Variants in TCF7L1 observed in about 807,000 individuals in gnomAD.
TCF7L1 encodes the protein transcription factor 7-like 1.
TCF7L1 carries 18 observed loss-of-function variants against 63.7 expected under a neutral mutation model. The observed-to-expected ratio is 0.28, with a 90% CI of 0.20 to 0.42. TCF7L1 has a LOEUF of 0.42. Among genes scored for constraint, TCF7L1 ranks in the 10% least tolerant of loss-of-function variants. The pLI, the probability that TCF7L1 is intolerant of heterozygous loss-of-function variation, is 1.00. For missense variants in TCF7L1, 654 were observed against 779.3 expected, an observed-to-expected ratio of 0.84 and a Z score of 1.91; for synonymous variants, 355 against 340.9, an observed-to-expected ratio of 1.04 and a Z score of -0.46.
At chr2:85,181,997 G>A (rs1241230728) in intron 3 of TCF7L1, among the ~76,000 whole-genome samples, 2 of 152,200 alleles carry the variant, frequency 1.3e-5, no homozygotes, top group Non-Finnish European at 2.9e-5. Flanking sequence ...GCCCTGTGGT[G>A]TCTAAGGCCA....
intron 3 of TCF7L1, among the ~76,000 whole-genome samples, chr2:85,277,076 G>A (rs1644617256): frequency 6.6e-6 from 1 of 152,092 alleles, no homozygotes; most frequent in Non-Finnish European, 1.5e-5. Context: ...GGGGGGCGGT[G>A]AGGGTGGAAG....
At chr2:85,215,235 T>C (rs1679672610) in intron 3 of TCF7L1, among the ~76,000 whole-genome samples, 1 of 152,246 alleles carries the variant, frequency 6.6e-6, no homozygotes, top group African/African-American at 2.4e-5. Context: ...TTGAGTGTTC[T>C]TTAGCAAAGG....
At chr2:85,176,275 A>G (rs1194044986) in intron 3 of TCF7L1, among the ~76,000 whole-genome samples, 1 of 152,202 alleles carries the variant, frequency 6.6e-6, no homozygotes, top group Non-Finnish European at 1.5e-5. Flanking sequence ...CTGACTGACC[A>G]TATGTTTACA....
chr2:85,133,976 C>T lies in TCF7L1; in HGVS notation c.250-40C>T. The T allele has an allele frequency of 6.3e-7, 1 of 1,591,590 alleles. No individual in the cohort carries two copies. On this transcript the variant is annotated intron_variant, in intron 1 of 11. Coordinates refer to ENST00000282111, the MANE Select transcript of TCF7L1 (RefSeq NM_031283.3). The surrounding 1 kb of genome is among the most constrained non-coding windows in gnomAD (Gnocchi z 4.4). ...CCACCCCCGGGGGATCCCGGCCCTG[C>T]GTCCGCTCACCCGCTCTTGCCTTTG... is the stretch of plus-strand genomic sequence containing the variant.
intron 3 of TCF7L1, among the ~76,000 whole-genome samples, chr2:85,150,379 G>A (rs1040176284): frequency 1.3e-5 from 2 of 151,966 alleles, no homozygotes; most frequent in East Asian, 1.9e-4. Flanking sequence ...GACTACAGGC[G>A]CCCGCCACCA....
At chr2:85,196,124 G>A (rs533438550) in intron 3 of TCF7L1, among the ~76,000 whole-genome samples, 1 of 152,262 alleles carries the variant, frequency 6.6e-6, no homozygotes, top group South Asian at 2.1e-4. Flanking sequence ...CAGAGTGGGA[G>A]GTGAACCCTG....
intron 3 of TCF7L1, among the ~76,000 whole-genome samples, chr2:85,250,370 G>A (rs1680560013): frequency 6.6e-6 from 1 of 152,064 alleles, no homozygotes; most frequent in African/African-American, 2.4e-5. Flanking sequence ...CACAGGAATT[G>A]GTAACTGGGC....
chr2:85,221,618 A>G (rs1427212761), intron 3 of TCF7L1, among the ~76,000 whole-genome samples: 1 of 152,184 alleles, frequency 6.6e-6, no homozygotes, highest in East Asian at 1.9e-4. Flanking sequence ...GCAAACTCAT[A>G]CTTTAATCAG....
At chr2:85,240,954 G>A (rs1327441286) in intron 3 of TCF7L1, among the ~76,000 whole-genome samples, 1 of 152,118 alleles carries the variant, frequency 6.6e-6, no homozygotes, top group Non-Finnish European at 1.5e-5. Flanking sequence ...GATGCTTTTT[G>A]TTAAGTTTTA....
At chr2:85,139,521 A>G (rs1677672981) in intron 3 of TCF7L1, among the ~76,000 whole-genome samples, 1 of 152,216 alleles carries the variant, frequency 6.6e-6, no homozygotes, top group Non-Finnish European at 1.5e-5. Flanking sequence ...CATTTTCATA[A>G]TAGAAATTGA....
At chr2:85,180,157 A>T (rs1678769902) in intron 3 of TCF7L1, among the ~76,000 whole-genome samples, 1 of 150,098 alleles carries the variant, frequency 6.7e-6, no homozygotes, top group Non-Finnish European at 1.5e-5. Context: ...GGGGAGGGAG[A>T]TGTGAGGCTG....
chr2:85,166,988 T>C (rs137882758), intron 3 of TCF7L1: 4,885 of 152,326 alleles, frequency 0.032, 98 homozygotes, highest in Middle Eastern at 0.065. Context: ...AAGCTCTGCC[T>C]CCTGGGTTCA....
chr2:85,297,310 T>C (rs1478083541), intron 4 of TCF7L1, among the ~76,000 whole-genome samples: 1 of 152,180 alleles, frequency 6.6e-6, no homozygotes, highest in Non-Finnish European at 1.5e-5. Context: ...TTGACTTACC[T>C]TCACATTTTT....
In TCF7L1 at chr2:85,302,510, C is replaced by T. The variant is rs373884024; in HGVS notation, c.552C>T (p.His184=). ...CTAATAAAGTTCCTGTCGTTCAGCA[C>T]CCGCATCACATGCATCCGCTGACTC... ...HLSNKVPVVQ[H]PHHMHPLTPL... The change falls in exon 5 of 12, where the codon CAC becomes CAT. Residue 184 remains histidine (H), a synonymous_variant. Transcript: ENST00000282111. The T allele has an allele frequency of 1.8e-5, 29 of 1,614,050 alleles. No homozygotes were observed. In the African/African-American group the frequency reaches 3.7e-4, roughly 21 times the overall value.
At chr2:85,291,327 T>A (rs748057586) in intron 4 of TCF7L1, among the ~76,000 whole-genome samples, 14 of 152,212 alleles carry the variant, frequency 9.2e-5, no homozygotes, top group Non-Finnish European at 1.8e-4. Flanking sequence ...CTTCAGCACT[T>A]TGCTTAGAAA....
intron 11 of TCF7L1, among the ~76,000 whole-genome samples, chr2:85,308,370 TCCCTCCC>T (rs1682171121): frequency 7.0e-6 from 1 of 143,048 alleles, no homozygotes; most frequent in African/African-American, 2.5e-5. Context: ...CCTTTCTTCC[TCCCTCCC>T]TTTCACCTTC....
intron 3 of TCF7L1, among the ~76,000 whole-genome samples, chr2:85,268,737 C>T (rs1262409410): frequency 6.6e-6 from 1 of 150,818 alleles, no homozygotes; most frequent in Non-Finnish European, 1.5e-5. Context: ...CCACCGTGCC[C>T]AGCCTGGATG....
intron 3 of TCF7L1, among the ~76,000 whole-genome samples, chr2:85,246,137 C>A (rs6708270): frequency 0.48 from 72,433 of 152,092 alleles, 18,931 homozygotes; most frequent in African/African-American, 0.7. Context: ...AGTGCCATCC[C>A]GGCAAGTGAA....
chr2:85,238,400 A>C (rs6547601), intron 3 of TCF7L1, among the ~76,000 whole-genome samples: 151,196 of 152,320 alleles, frequency 0.99, 75,039 homozygotes, highest in East Asian at 1. Context: ...CAGCTGCCTT[A>C]TCTGCAAGGA....
Sources: allele counts gnomAD v4.1 joint callset (sites outside exome capture counted in the v4.1 genomes callset), GRCh38; gene constraint gnomAD v4.1.1; non-coding constraint Gnocchi (gnomAD v3.1); transcripts MANE v1.5; gene names NCBI Gene and HGNC (gene_info 2026-07-23, HGNC 2026-07-21).